The following MAP3K1 variants were observed in gnomAD, a reference collection of about 807,000 sequenced individuals.
The protein encoded by MAP3K1 is mitogen-activated protein kinase kinase kinase 1.
In MAP3K1, 36 loss-of-function variants were observed where a neutral mutation model predicts 144.2. That is an observed-to-expected ratio of 0.25 (90% confidence interval 0.19 to 0.33). The LOEUF is 0.33. Among genes scored for constraint, MAP3K1 ranks in the 10% least tolerant of loss-of-function variants. The pLI is 1.00. For missense variants in MAP3K1, 1,650 were observed against 1,881.9 expected (o/e 0.88, Z 2.28); for synonymous variants, 718 against 688.7 (o/e 1.04, Z -0.67).
chr5:56,837,114 A>C (rs1746678461), intron 1 of MAP3K1, among the ~76,000 whole-genome samples: 3 of 150,438 alleles, frequency 2.0e-5, no homozygotes, highest in African/African-American at 7.3e-5. Flanking sequence ...TGCCCCCCAG[A>C]CATGCCCATT....
intron 1 of MAP3K1, among the ~76,000 whole-genome samples, chr5:56,835,025 T>C (rs1277115094): frequency 6.6e-6 from 1 of 152,230 alleles, no homozygotes; most frequent in African/African-American, 2.4e-5. Context: ...TGGCCTCCAG[T>C]GTTTCTCTCC....
At chr5:56,847,281 T>C (rs1291371772) in intron 1 of MAP3K1, among the ~76,000 whole-genome samples, 5 of 152,340 alleles carry the variant, frequency 3.3e-5, no homozygotes, top group Admixed American at 3.3e-4. Context: ...ACATCCATAA[T>C]GTTTGTATGT....
At chr5:56,890,796 C>T (rs766975557) in intron 19 of MAP3K1, among the ~76,000 whole-genome samples, 9 of 151,826 alleles carry the variant, frequency 5.9e-5, no homozygotes, top group Non-Finnish European at 8.8e-5. Context: ...CCTGTAATCC[C>T]AGCACTTTGG....
intron 1 of MAP3K1, among the ~76,000 whole-genome samples, chr5:56,855,809 G>A (rs1325080196): frequency 6.6e-6 from 1 of 152,170 alleles, no homozygotes; most frequent in Non-Finnish European, 1.5e-5. Context: ...ATCCCAAGGT[G>A]CAGTTGCTTT....
chr5:56,824,400 G>A (rs1056952961), intron 1 of MAP3K1, among the ~76,000 whole-genome samples: 1 of 152,250 alleles, frequency 6.6e-6, no homozygotes, highest in Non-Finnish European at 1.5e-5. Context: ...TTCATGTGGT[G>A]TTCCTAACAT....
At chr5:56,832,533 G>A (rs964234989) in intron 1 of MAP3K1, among the ~76,000 whole-genome samples, 12 of 152,224 alleles carry the variant, frequency 7.9e-5, no homozygotes, top group South Asian at 6.2e-4. Flanking sequence ...AGAAATCAGA[G>A]ACTGTGAGAG....
intron 14 of MAP3K1, 127 bp downstream of exon 14, chr5:56,882,993 A>AGTTT (rs1329654197): frequency 1.5e-5 from 11 of 736,558 alleles, no homozygotes; most frequent in Middle Eastern, 3.2e-4. Context: ...GTTCGAAACT[A>AGTTT]GCCTGGTCAA....
At chr5:56,872,307 T>C (rs1747880152) in intron 7 of MAP3K1, among the ~76,000 whole-genome samples, 1 of 152,034 alleles carries the variant, frequency 6.6e-6, no homozygotes, top group African/African-American at 2.4e-5. Context: ...ATCTGGAAGG[T>C]ATACATGAAG....
chr5:56,859,485 G>A (rs1747437820), intron 2 of MAP3K1, among the ~76,000 whole-genome samples: 2 of 152,044 alleles, frequency 1.3e-5, no homozygotes, highest in African/African-American at 4.8e-5. Flanking sequence ...TAAGGGAGGA[G>A]GTTGCGTTTT....
chr5:56,821,165 G>A (rs2111747437), intron 1 of MAP3K1, among the ~76,000 whole-genome samples: 1 of 152,304 alleles, frequency 6.6e-6, no homozygotes, highest in African/African-American at 2.4e-5. Flanking sequence ...TTACTCTATG[G>A]CATGTCATTG....
At chr5:56,823,208 T>A (rs906961134) in intron 1 of MAP3K1, among the ~76,000 whole-genome samples, 31 of 152,360 alleles carry the variant, frequency 2.0e-4, no homozygotes, top group African/African-American at 6.7e-4. Flanking sequence ...GTTGGGCCCC[T>A]GTCTGCTTCT....
chr5:56,859,629 T>G (rs1432562757), intron 2 of MAP3K1, 86 bp from the exon 3 acceptor site: 1 of 942,460 alleles, frequency 1.1e-6, no homozygotes, highest in African/African-American at 1.6e-5. Flanking sequence ...AAAAACTCAT[T>G]AAGTGTATTT....
chr5:56,876,002 A>G (rs1748015020), intron 10 of MAP3K1, among the ~76,000 whole-genome samples: 1 of 152,150 alleles, frequency 6.6e-6, no homozygotes, highest in African/African-American at 2.4e-5. Flanking sequence ...CATGACATAG[A>G]TCATTGAGTT....
intron 1 of MAP3K1, among the ~76,000 whole-genome samples, chr5:56,855,802 C>T (rs73759241): frequency 0.021 from 3,159 of 152,214 alleles, 107 homozygotes; most frequent in African/African-American, 0.073. Context: ...GTTACTAATC[C>T]CAAGGTGCAG....
At chr5:56,833,889 A>C (rs1423411005) in intron 1 of MAP3K1, among the ~76,000 whole-genome samples, 1 of 152,108 alleles carries the variant, frequency 6.6e-6, no homozygotes, top group African/African-American at 2.4e-5. Flanking sequence ...TAGTGAAATA[A>C]GTTAACGAAT....
In MAP3K1 at chr5:56,872,676, A is replaced by C. The variant is rs1234548414; in HGVS notation, c.1459A>C (p.Ile487Leu). Residue 487 changes from isoleucine (I) to leucine (L), a missense_variant, in exon 8 of 20, where the codon ATA becomes CTA. This residue lies in a region of MAP3K1 where 125 missense variants were observed against 179.9 expected (regional missense o/e 0.69). Coordinates refer to ENST00000399503, the MANE Select transcript of MAP3K1 (RefSeq NM_005921.2). ...GTGTAGAAGAAATAGAGAACCTTTA[A>C]TATGTCCCCTTTGTAGATCTAAGTG... ...EECRRNREPL[I>L]CPLCRSKWRS... 6.2e-7 allele frequency: 1 copy of C among 1,609,534 alleles called. No homozygotes were observed. The highest frequency in any genetic ancestry group is 1.7e-5 in the Admixed American group (1 of 60,002).
intron 1 of MAP3K1, among the ~76,000 whole-genome samples, chr5:56,829,309 C>T (rs999482426): frequency 1.3e-5 from 2 of 150,962 alleles, no homozygotes; most frequent in African/African-American, 2.4e-5. Context: ...CAGCCTCCTG[C>T]GTAGCTGGGA....
chr5:56,838,931 G>A (rs981169103), intron 1 of MAP3K1, among the ~76,000 whole-genome samples: 3 of 152,196 alleles, frequency 2.0e-5, no homozygotes, highest in African/African-American at 4.8e-5. Context: ...GGAGCAAATG[G>A]CTGGGAGGAA....
chr5:56,867,786 G>A (rs1372013072), intron 6 of MAP3K1, among the ~76,000 whole-genome samples: 1 of 152,086 alleles, frequency 6.6e-6, no homozygotes, highest in African/African-American at 2.4e-5. Context: ...AAATGCAAAA[G>A]CCTCACATAT....
Sources: allele counts gnomAD v4.1 joint callset (sites outside exome capture counted in the v4.1 genomes callset), GRCh38; gene constraint gnomAD v4.1.1; regional missense constraint gnomAD v4.1.1; transcripts MANE v1.5; gene names NCBI Gene and HGNC (gene_info 2026-07-23, HGNC 2026-07-21).